The following PCDH15 variants were observed in gnomAD, a reference collection of about 807,000 sequenced individuals.
The protein encoded by PCDH15 is protocadherin related 15, also known as protocadherin-15.
In PCDH15, 129 loss-of-function variants were observed where a neutral mutation model predicts 178.5. The observed-to-expected ratio is 0.72, with a 90% CI of 0.63 to 0.84. PCDH15 has a LOEUF of 0.84. PCDH15 is among the 40% of genes least tolerant of loss of function. The pLI is 0.00. For synonymous variants in PCDH15, 800 were observed against 732.0 expected (o/e 1.09, Z -1.50); for missense variants, 2,230 against 2,099.9 (o/e 1.06, Z -1.21).
intron 2 of PCDH15, among the ~76,000 whole-genome samples, chr10:55,163,752 T>C (rs1462783351): frequency 6.6e-6 from 1 of 152,122 alleles, no homozygotes; most frequent in Non-Finnish European, 1.5e-5. Flanking sequence ...CATGACAGCT[T>C]ACAAATGCCA....
At position 55,519,623 on chromosome 10, in the gene PCDH15, A is replaced by G. The variant is rs142008253; in HGVS notation, c.-156+108002T>C. On this transcript the variant is annotated intron_variant, in intron 2 of 5. Transcript: ENST00000613346. ...AATTTCTGTAACTTTTTACAAACATATAATTAACTCAAAGAAAAAATAAAA... is the reference window on the plus strand; with the variant it reads ...AATTTCTGTAACTTTTTACAAACATGTAATTAACTCAAAGAAAAAATAAAA... Among the ~76,000 whole-genome samples the G allele has an allele frequency of 1.5e-3, 228 of 152,234 alleles. 3 individuals carry two copies. The East Asian group carries it at 0.032, about 21-fold the overall frequency.
intron 8 of PCDH15, among the ~76,000 whole-genome samples, chr10:54,303,325 A>G (rs529353831): frequency 7.2e-5 from 11 of 152,168 alleles, no homozygotes; most frequent in African/African-American, 2.6e-4. Context: ...ATATGAGTTT[A>G]TATGTCCTAA....
At chr10:54,213,193 A>G (rs2051639129) in intron 10 of PCDH15, among the ~76,000 whole-genome samples, 1 of 152,126 alleles carries the variant, frequency 6.6e-6, no homozygotes, top group Non-Finnish European at 1.5e-5. Context: ...TGTACTTACA[A>G]TGCCCTTTTC....
chr10:54,729,471 AAAATACTAG>A (rs1943043472), intron 1 of PCDH15, among the ~76,000 whole-genome samples: 1 of 151,628 alleles, frequency 6.6e-6, no homozygotes, highest in African/African-American at 2.4e-5. Flanking sequence ...GAAAATCTAG[AAAATACTAG>A]ACATTGTCCC....
Position 53,809,138 on chromosome 10 carries a change from A to G in PCDH15, c.4671+1418T>C, listed in dbSNP as rs730880021. ...TCCGATTCTTCTGATTCAGGGGTGG[A>G]ACTCTCCTCCTCCTCAGAGGGTGTC... On this transcript the variant is annotated intron_variant, in intron 37 of 37. Transcript: ENST00000644397. 6.2e-7 allele frequency: 1 copy of G among 1,613,712 alleles called. No homozygotes were observed. The highest frequency in any genetic ancestry group is 8.5e-7 in the Non-Finnish European group (1 of 1,179,836).
chr10:53,878,333 T>TA (rs10683837), intron 26 of PCDH15, among the ~76,000 whole-genome samples: 2 of 142,208 alleles, frequency 1.4e-5, no homozygotes, highest in Non-Finnish European at 3.0e-5. Context: ...ATAGTCTATA[T>TA]AGTCTATATA....
intron 3 of PCDH15, among the ~76,000 whole-genome samples, chr10:54,875,190 G>A (rs927950492): frequency 6.6e-6 from 1 of 152,146 alleles, no homozygotes; most frequent in Non-Finnish European, 1.5e-5. Context: ...GTGATTACAT[G>A]TGTTATGGTT....
chr10:54,426,066 A>G lies in PCDH15; in HGVS notation c.158-47124T>C, dbSNP rs145003504. Among the ~76,000 whole-genome samples the G allele has an allele frequency of 7.9e-3, 1,202 of 152,282 alleles. 12 individuals are homozygous for G. The highest frequency in any genetic ancestry group is 0.026 in the African/African-American group (1,091 of 41,550). ...GCAGCTTTAGAACTAGACATAAAACAAACAGCTATCTAATGATTTCCTATT... is the reference window on the plus strand; with the variant it reads ...GCAGCTTTAGAACTAGACATAAAACGAACAGCTATCTAATGATTTCCTATT... On this transcript the variant is annotated intron_variant, in intron 3 of 37. Coordinates refer to ENST00000644397, the MANE Select transcript of PCDH15 (RefSeq NM_001384140.1).
intron 2 of PCDH15, among the ~76,000 whole-genome samples, chr10:55,362,724 T>C (rs1445418162): frequency 2.0e-5 from 3 of 151,764 alleles, no homozygotes; most frequent in African/African-American, 7.3e-5. Context: ...TTCATGTGAT[T>C]ACCACCACAG....
At chr10:54,733,402 A>T (rs1446894355) in intron 1 of PCDH15, among the ~76,000 whole-genome samples, 1 of 151,602 alleles carries the variant, frequency 6.6e-6, no homozygotes, top group Non-Finnish European at 1.5e-5. Flanking sequence ...ATTTAGGTTA[A>T]ATTCTAACAA....
chr10:55,083,014 G>A (rs2132027625), intron 2 of PCDH15, among the ~76,000 whole-genome samples: 1 of 151,940 alleles, frequency 6.6e-6, no homozygotes, highest in South Asian at 2.1e-4. Flanking sequence ...TCCTAAAAAT[G>A]AAAGAGTTCA....
At chr10:54,673,158 G>GT (rs1296261078) in intron 1 of PCDH15, among the ~76,000 whole-genome samples, 2 of 151,974 alleles carry the variant, frequency 1.3e-5, no homozygotes, top group African/African-American at 4.8e-5. Flanking sequence ...TGCCATGGTG[G>GT]TTTGCTGCAC....
At chr10:53,898,932 TCAGA>T (rs1207896439) in intron 26 of PCDH15, among the ~76,000 whole-genome samples, 3 of 152,116 alleles carry the variant, frequency 2.0e-5, no homozygotes, top group African/African-American at 4.8e-5. Flanking sequence ...TCTACTATAC[TCAGA>T]CAATGTGAGT....
intron 3 of PCDH15, among the ~76,000 whole-genome samples, chr10:54,843,178 C>T (rs1221136749): frequency 1.3e-5 from 2 of 151,882 alleles, no homozygotes; most frequent in Admixed American, 6.6e-5. Context: ...GTTGTTGTAT[C>T]GTTTGGCTTC....
intron 3 of PCDH15, 57 bp from the exon 4 acceptor site, chr10:54,378,999 A>G: frequency 6.3e-7 from 1 of 1,596,548 alleles, no homozygotes; most frequent in Non-Finnish European, 8.6e-7. Flanking sequence ...ATTCTTTAGC[A>G]AAGATCATGC....
intron 2 of PCDH15, among the ~76,000 whole-genome samples, chr10:55,389,798 A>G (rs2132011936): frequency 6.6e-6 from 1 of 152,266 alleles, no homozygotes. Flanking sequence ...TTGAAGCTCT[A>G]GGAGAAATAT....
At chr10:54,672,936 A>T (rs2094703046) in intron 1 of PCDH15, among the ~76,000 whole-genome samples, 1 of 152,174 alleles carries the variant, frequency 6.6e-6, no homozygotes, top group Admixed American at 6.5e-5. Flanking sequence ...AGAATAAAAG[A>T]TTCATAACAG....
In PCDH15 at chr10:53,956,839, C is replaced by G. The variant is rs148437825; in HGVS notation, c.3122+2893G>C. 9.1e-4 allele frequency among the ~76,000 whole-genome samples: 138 copies of G among 152,218 alleles called. 1 individual carries two copies. The East Asian group carries it at 0.017, about 19-fold the overall frequency. On this transcript the variant is annotated intron_variant, in intron 23 of 37. Transcript: ENST00000644397. ...ACCATATAATTGGCTAACTTTTGCT[C>G]TCTAAGTTAACAACAACTTTATTAA...
intron 2 of PCDH15, among the ~76,000 whole-genome samples, chr10:55,150,494 C>T (rs1304168199): frequency 1.3e-5 from 2 of 152,078 alleles, no homozygotes; most frequent in Non-Finnish European, 2.9e-5. Context: ...TTTATAGTTA[C>T]AGTCTATTTA....
Sources: allele counts gnomAD v4.1 joint callset (sites outside exome capture counted in the v4.1 genomes callset), GRCh38; gene constraint gnomAD v4.1.1; transcripts MANE v1.5; gene names NCBI Gene and HGNC (gene_info 2026-07-23, HGNC 2026-07-21).